The following MDFIC variants were observed in gnomAD, a reference collection of about 807,000 sequenced individuals.
MDFIC encodes myoD family inhibitor domain-containing protein.
In MDFIC, 17 loss-of-function variants were observed where a neutral mutation model predicts 23.2. That is an observed-to-expected ratio of 0.73 (90% CI 0.50 to 1.10). The LOEUF (loss-of-function observed/expected upper bound fraction) is 1.10, where lower values mean the gene tolerates loss of function less well. Ranked by LOEUF, MDFIC falls within the 50% of genes least tolerant of loss-of-function variation. The pLI is 0.00. For missense variants in MDFIC, 356 were observed against 316.6 expected, an observed-to-expected ratio of 1.12 and a Z score of -0.95; for synonymous variants, 120 against 115.2, an observed-to-expected ratio of 1.04 and a Z score of -0.27.
At chr7:114,929,151 G>C (rs1164320789) in intron 2 of MDFIC, among the ~76,000 whole-genome samples, 1 of 116,572 alleles carries the variant, frequency 8.6e-6, no homozygotes, top group Admixed American at 8.8e-5. Flanking sequence ...CTGTTGCCCA[G>C]GCTGGAGTGT....
chr7:114,991,553 C>T (rs928779693), intron 4 of MDFIC, among the ~76,000 whole-genome samples: 6 of 152,154 alleles, frequency 3.9e-5, no homozygotes, highest in Admixed American at 1.3e-4. Context: ...AATCTAGTTT[C>T]AGCTTTCTAC....
At chr7:114,994,221 T>A (rs929608769) in intron 4 of MDFIC, among the ~76,000 whole-genome samples, 2 of 152,174 alleles carry the variant, frequency 1.3e-5, no homozygotes, top group African/African-American at 4.8e-5. Flanking sequence ...CCTCCATCCC[T>A]TTATTTTGAG....
intron 4 of MDFIC, among the ~76,000 whole-genome samples, chr7:114,996,183 C>T (rs1791323142): frequency 3.9e-5 from 6 of 152,130 alleles, no homozygotes. Flanking sequence ...TAGTGGACTA[C>T]AGGTACACAA....
intron 3 of MDFIC, among the ~76,000 whole-genome samples, chr7:114,949,657 G>A (rs1015062576): frequency 6.6e-6 from 1 of 152,200 alleles, no homozygotes; most frequent in African/African-American, 2.4e-5. Flanking sequence ...TAACAGTGAT[G>A]GGTGTGGGTT....
intron 2 of MDFIC, chr7:114,923,550 C>T: frequency 6.5e-6 from 10 of 1,535,776 alleles, no homozygotes; most frequent in East Asian, 2.4e-5. Flanking sequence ...GCTCCTCTAC[C>T]ACCCGGTTGA....
chr7:114,931,973 C>T (rs1317147727), intron 2 of MDFIC, among the ~76,000 whole-genome samples: 2 of 152,118 alleles, frequency 1.3e-5, no homozygotes, highest in East Asian at 1.9e-4. Context: ...AAGGTGAATC[C>T]GCCCTGATCT....
chr7:114,939,666 A>G (rs1169757343), intron 2 of MDFIC, among the ~76,000 whole-genome samples: 1 of 152,158 alleles, frequency 6.6e-6, no homozygotes, highest in Non-Finnish European at 1.5e-5. Flanking sequence ...TGGAGAGTTG[A>G]GAGGGTCTGT....
At chr7:114,982,207 C>G (rs1280913112) in intron 4 of MDFIC, among the ~76,000 whole-genome samples, 1 of 152,078 alleles carries the variant, frequency 6.6e-6, no homozygotes, top group East Asian at 1.9e-4. Flanking sequence ...GGGGCAGAAA[C>G]AGTTGTGGTG....
chr7:114,931,915 C>T (rs1490306483), intron 2 of MDFIC, among the ~76,000 whole-genome samples: 1 of 152,174 alleles, frequency 6.6e-6, no homozygotes, highest in Admixed American at 6.5e-5. Flanking sequence ...AACCAGCTTC[C>T]TCTCTTTACT....
At chr7:114,986,883 T>C (rs1793524807) in intron 4 of MDFIC, among the ~76,000 whole-genome samples, 1 of 152,236 alleles carries the variant, frequency 6.6e-6, no homozygotes, top group African/African-American at 2.4e-5. Context: ...GCAGAGTCTG[T>C]CTTACTCATC....
chr7:114,989,251 G>A (rs954320119), intron 4 of MDFIC, among the ~76,000 whole-genome samples: 1 of 152,138 alleles, frequency 6.6e-6, no homozygotes, highest in Non-Finnish European at 1.5e-5. Flanking sequence ...TTGATGACAG[G>A]TTCAGTAAAA....
At chr7:114,963,672 T>A (rs907898322) in intron 3 of MDFIC, among the ~76,000 whole-genome samples, 2 of 152,188 alleles carry the variant, frequency 1.3e-5, no homozygotes, top group Admixed American at 1.3e-4. Context: ...ACCTCCTGGG[T>A]TCCAGCCATC....
intron 3 of MDFIC, among the ~76,000 whole-genome samples, chr7:114,966,109 CA>C (rs1164038137): frequency 6.6e-6 from 1 of 152,028 alleles, no homozygotes; most frequent in Non-Finnish European, 1.5e-5. Context: ...TGAAGATAAG[CA>C]TTGATTAAAT....
intron 2 of MDFIC, among the ~76,000 whole-genome samples, chr7:114,924,828 T>C (rs1792159501): frequency 6.6e-6 from 1 of 152,224 alleles, no homozygotes; most frequent in African/African-American, 2.4e-5. Flanking sequence ...TCATAAGGTG[T>C]ATTTAAAGAA....
Position 114,922,304 on chromosome 7 carries a change from G to T in MDFIC, c.-440G>T, listed in dbSNP as rs951343225. ...GATGTGATGAAAAAGAGCAACAGAGGGAGAAGTGTTTCAGGATTGTAGGAG... is the reference window on the plus strand; with the variant it reads ...GATGTGATGAAAAAGAGCAACAGAGTGAGAAGTGTTTCAGGATTGTAGGAG... On this transcript the variant is annotated 5_prime_UTR_variant, in exon 1 of 5. Coordinates refer to ENST00000393486, the MANE Select transcript of MDFIC (RefSeq NM_001166345.3). The T allele has an allele frequency of 1.0e-5, 9 of 887,784 alleles. No homozygotes were observed. The South Asian group carries it at 3.6e-4, about 35-fold the overall frequency. 55.0% of individuals were successfully genotyped at this position (887,784 alleles called of 1,614,324 possible).
Position 114,922,341 on chromosome 7 carries a change from A to C in MDFIC, c.-403A>C, listed in dbSNP as rs1792096431. On this transcript the variant is annotated 5_prime_UTR_variant, in exon 1 of 5. Transcript: ENST00000393486. Reference sequence around the variant, plus strand: ...CAGGATTGTAGGAGTGGAAGAGGGGAAAGAGAGGCAGAGAGGGGGAAGGCC... The same window carrying C: ...CAGGATTGTAGGAGTGGAAGAGGGGCAAGAGAGGCAGAGAGGGGGAAGGCC... 1.8e-6 allele frequency: 2 copies of C among 1,122,180 alleles called. No individual in the cohort carries two copies. Among genetic ancestry groups the C allele is most frequent in the East Asian group, 6.4e-5 (2 of 31,168 alleles). The allele number at this position is 1,122,180 out of a possible 1,614,324, so 69.5% of individuals were successfully genotyped here.
At chr7:114,923,397 T>G (rs1372988361) in intron 2 of MDFIC, 1 of 1,463,568 alleles carries the variant, frequency 6.8e-7, no homozygotes, top group Non-Finnish European at 9.2e-7. Context: ...GCTTCTTTCT[T>G]AAGCATATGC....
intron 2 of MDFIC, chr7:114,923,473 T>C (rs1281358583): frequency 1.3e-6 from 2 of 1,537,870 alleles, no homozygotes; most frequent in Non-Finnish European, 1.7e-6. Context: ...CTTCAGCAGA[T>C]CCAGGACTGC....
chr7:114,983,863 A>G (rs892053613), intron 4 of MDFIC, among the ~76,000 whole-genome samples: 5 of 152,106 alleles, frequency 3.3e-5, no homozygotes, highest in Admixed American at 6.5e-5. Flanking sequence ...GTTGATTCAT[A>G]TAATTAGAGT....
Sources: gnomAD v4.1 joint callset for allele counts (sites outside exome capture counted in the v4.1 genomes callset) on GRCh38, gnomAD v4.1.1 for gene constraint, MANE v1.5 for transcripts, NCBI Gene and HGNC (gene_info 2026-07-23, HGNC 2026-07-21) for gene names.